CNTN3: variants seen among roughly 807,000 people sequenced by gnomAD.
The protein encoded by CNTN3 is contactin-3.
Under a neutral mutation model 119.1 loss-of-function variants are expected in CNTN3, and 60 were observed. The ratio of observed to expected loss-of-function variants is 0.50; its 90% CI spans 0.41 to 0.62. CNTN3 has a LOEUF of 0.62. CNTN3 is among the 20% of genes least tolerant of loss of function. CNTN3 has a pLI of 0.00. For synonymous variants in CNTN3, 450 were observed against 438.7 expected (o/e 1.03, Z -0.32); for missense variants, 1,101 against 1,242.4 (o/e 0.89, Z 1.71).
At chr3:74,395,179 T>C (rs1234469780) in intron 5 of CNTN3, among the ~76,000 whole-genome samples, 2 of 152,174 alleles carry the variant, frequency 1.3e-5, no homozygotes, top group Non-Finnish European at 2.9e-5. Context: ...GAACATCATC[T>C]TCCTCTCTGT....
chr3:74,361,907 G>A lies in CNTN3; in HGVS notation c.1347C>T (p.Ser449=), dbSNP rs150922997. 29 of 1,612,282 alleles carry A rather than the reference G, an allele frequency of 1.8e-5. No homozygotes were observed. The highest frequency in any genetic ancestry group is 8.8e-5 in the South Asian group (8 of 90,848). ...CAAAATACCTTTCATGCTCCTGCAC[G>A]CTCACATCCCCCTTCTTCCAGGAAG... The part of the protein sequence containing the change: ...ALSSWKKGDV[S]VQEHERISLL... Residue 449 remains serine, a synonymous_variant, in exon 11 of 23, where the codon AGC becomes AGT. Coordinates refer to ENST00000263665, the MANE Select transcript of CNTN3 (RefSeq NM_020872.3).
At position 74,358,593 on chromosome 3, in the gene CNTN3, T is replaced by TTGA. The variant is rs1553649312; in HGVS notation, c.1364+3296_1364+3297insTCA. ...AAGGAAGTGTATTCTTTTTTTTTTT[T>TTGA]TTGATTTATTTATTTATTTATTTAT... On this transcript the variant is annotated intron_variant, in intron 11 of 22. Transcript: ENST00000263665. 6.0e-4 allele frequency among the ~76,000 whole-genome samples: 59 copies of TTGA among 98,658 alleles called. 1 individual carries two copies. Among genetic ancestry groups the TTGA allele is most frequent in the African/African-American group, 3.0e-3 (42 of 14,136 alleles). 64.7% of individuals were successfully genotyped at this position (98,658 alleles called of 152,430 possible).
intron 4 of CNTN3, among the ~76,000 whole-genome samples, chr3:74,449,024 C>T (rs886930638): frequency 7.2e-5 from 11 of 152,006 alleles, no homozygotes; most frequent in African/African-American, 2.7e-4. Flanking sequence ...TCCCAGGTGC[C>T]TCAAATCCTT....
intron 17 of CNTN3, 100 bp downstream of exon 17, chr3:74,299,767 CT>C: frequency 1.1e-6 from 1 of 894,022 alleles, no homozygotes; most frequent in Non-Finnish European, 1.7e-6. Context: ...ACCCCCAGCA[CT>C]ACCACCACCA....
intron 5 of CNTN3, among the ~76,000 whole-genome samples, chr3:74,408,814 C>G (rs547978554): frequency 6.6e-6 from 1 of 152,272 alleles, no homozygotes; most frequent in African/African-American, 2.4e-5. Context: ...TTCATCTCTC[C>G]TTTGTCTTCT....
At chr3:74,486,827 A>G (rs1169286388) in intron 3 of CNTN3, among the ~76,000 whole-genome samples, 196 bp from the exon 4 acceptor site, 1 of 152,204 alleles carries the variant, frequency 6.6e-6, no homozygotes, top group Non-Finnish European at 1.5e-5. Context: ...AGTAGAAAGT[A>G]TAACAGAGTA....
At chr3:74,313,520 T>C (rs1460019607) in intron 13 of CNTN3, among the ~76,000 whole-genome samples, 1 of 152,188 alleles carries the variant, frequency 6.6e-6, no homozygotes, top group Non-Finnish European at 1.5e-5. Context: ...CATAGACTCT[T>C]GGCTCCCTAA....
intron 5 of CNTN3, among the ~76,000 whole-genome samples, chr3:74,421,824 C>G (rs576484658): frequency 1.4e-4 from 22 of 152,252 alleles, no homozygotes; most frequent in African/African-American, 5.3e-4. Flanking sequence ...GCTCTCTGAC[C>G]TGGCTCATAC....
intron 13 of CNTN3, among the ~76,000 whole-genome samples, chr3:74,332,541 T>C (rs979677659): frequency 1.3e-5 from 2 of 152,350 alleles, no homozygotes; most frequent in East Asian, 3.9e-4. Flanking sequence ...TTAAATTACA[T>C]TATAAACTCG....
At chr3:74,418,775 T>G (rs910977878) in intron 5 of CNTN3, among the ~76,000 whole-genome samples, 1 of 151,586 alleles carries the variant, frequency 6.6e-6, no homozygotes, top group African/African-American at 2.4e-5. Flanking sequence ...TAAAGTTTAT[T>G]TTATTTTAAA....
rs141164885 is a variant in CNTN3, at chr3:74,548,960, C to T, written c.-80-27768G>A. Among the ~76,000 whole-genome samples, 114 of 152,316 alleles carry T rather than the reference C, an allele frequency of 7.5e-4. 3 individuals carry two copies. In the East Asian group the frequency reaches 0.02, roughly 27 times the overall value. Reference sequence around the variant, plus strand: ...CTCTTTCACCCATTGACATGATATACTCTCAAACAACCTAGGTAACATGGA... The same window carrying T: ...CTCTTTCACCCATTGACATGATATATTCTCAAACAACCTAGGTAACATGGA... On this transcript the variant is annotated intron_variant, in intron 1 of 22. Coordinates refer to ENST00000263665, the MANE Select transcript of CNTN3 (RefSeq NM_020872.3).
chr3:74,536,470 T>TC (rs1410585588), intron 1 of CNTN3, among the ~76,000 whole-genome samples: 2 of 152,096 alleles, frequency 1.3e-5, no homozygotes, highest in East Asian at 3.9e-4. Context: ...TGGTTTCATT[T>TC]CCCCCACTTC....
intron 5 of CNTN3, among the ~76,000 whole-genome samples, chr3:74,398,016 A>G (rs1705098765): frequency 6.6e-6 from 1 of 152,218 alleles, no homozygotes; most frequent in Non-Finnish European, 1.5e-5. Flanking sequence ...TAGATAAGCA[A>G]AGAAAGTGGT....
chr3:74,586,335 A>C (rs185283187), intron 1 of CNTN3, among the ~76,000 whole-genome samples: 1 of 152,276 alleles, frequency 6.6e-6, no homozygotes, highest in African/African-American at 2.4e-5. Flanking sequence ...AAAATGCTAA[A>C]ATATACATTG....
At chr3:74,494,917 A>G (rs1042783514) in intron 3 of CNTN3, among the ~76,000 whole-genome samples, 1 of 152,116 alleles carries the variant, frequency 6.6e-6, no homozygotes, top group Admixed American at 6.6e-5. Flanking sequence ...ACATTGTTTG[A>G]GCACAGAATC....
At chr3:74,592,925 C>T (rs1218690855) in intron 1 of CNTN3, among the ~76,000 whole-genome samples, 1 of 151,968 alleles carries the variant, frequency 6.6e-6, no homozygotes, top group African/African-American at 2.4e-5. Flanking sequence ...TTAATCACTT[C>T]ATAAAACTAC....
intron 1 of CNTN3, among the ~76,000 whole-genome samples, chr3:74,585,309 G>A (rs566837414): frequency 1.1e-4 from 16 of 152,140 alleles, no homozygotes; most frequent in African/African-American, 3.4e-4. Context: ...ACATACGATC[G>A]AAACAAAATT....
At chr3:74,581,046 T>C (rs1704496983) in intron 1 of CNTN3, among the ~76,000 whole-genome samples, 1 of 152,090 alleles carries the variant, frequency 6.6e-6, no homozygotes, top group African/African-American at 2.4e-5. Flanking sequence ...ATGGGGAAAA[T>C]CAAGCACTTG....
intron 1 of CNTN3, among the ~76,000 whole-genome samples, chr3:74,583,317 C>T (rs1279144711): frequency 6.6e-6 from 1 of 151,672 alleles, no homozygotes; most frequent in Non-Finnish European, 1.5e-5. Context: ...AACAAATGTC[C>T]ATGAGCAAAT....
Sources: allele counts gnomAD v4.1 joint callset (sites outside exome capture counted in the v4.1 genomes callset), GRCh38; gene constraint gnomAD v4.1.1; transcripts MANE v1.5; gene names NCBI Gene and HGNC (gene_info 2026-07-23, HGNC 2026-07-21).